Variants in MAF observed in about 807,000 individuals in gnomAD.
The protein encoded by MAF is MAF bZIP transcription factor, also known as transcription factor Maf.
A neutral mutation model predicts 22.0 loss-of-function variants in MAF; 10 were observed. That is an observed-to-expected ratio of 0.45 (90% CI 0.28 to 0.77). The LOEUF is 0.77. Ranked by LOEUF, MAF falls within the 30% of genes least tolerant of loss-of-function variation. The probability of loss-of-function intolerance (pLI) is 0.12; values close to 1 mark genes in which losing one functional copy is unlikely to be tolerated. For synonymous variants in MAF, 337 were observed against 255.8 expected (o/e 1.32, Z -3.03); for missense variants, 544 against 548.4 (o/e 0.99, Z 0.08).
chr16:79,295,972 G>A, the MAF span, among the ~76,000 whole-genome samples: 2 of 152,214 alleles, frequency 1.3e-5, no homozygotes, highest in Admixed American at 6.5e-5. Flanking sequence ...ACCTCCTGCG[G>A]TCTGTAAGCT....
At chr16:79,251,856 A>AT in the MAF span, among the ~76,000 whole-genome samples, 3 of 152,034 alleles carry the variant, frequency 2.0e-5, no homozygotes, top group East Asian at 1.9e-4. Context: ...TTTAAAAAAA[A>AT]TTTTTTTGTA....
the MAF span, among the ~76,000 whole-genome samples, chr16:79,390,946 G>T: frequency 6.6e-6 from 1 of 152,092 alleles, no homozygotes; most frequent in African/African-American, 2.4e-5. Flanking sequence ...CTGGGCTACT[G>T]TCTCTCAGCC....
At chr16:79,590,507 C>T (rs1278239626), downstream of MAF, among the ~76,000 whole-genome samples, 1 of 152,078 alleles carries the variant, frequency 6.6e-6, no homozygotes, top group East Asian at 1.9e-4. Context: ...CTTTCATGGC[C>T]CTGGATGACC....
At chr16:79,310,336 C>T in the MAF span, among the ~76,000 whole-genome samples, 1 of 152,126 alleles carries the variant, frequency 6.6e-6, no homozygotes, top group East Asian at 1.9e-4. Context: ...CATAGGATGC[C>T]TTTGGCTATG....
the MAF span, among the ~76,000 whole-genome samples, chr16:79,362,324 G>T: frequency 6.6e-6 from 1 of 152,138 alleles, no homozygotes; most frequent in Non-Finnish European, 1.5e-5. Flanking sequence ...AGGCTTTTTA[G>T]TAACAGTATT....
At chr16:79,314,722 G>A in the MAF span, among the ~76,000 whole-genome samples, 1 of 152,280 alleles carries the variant, frequency 6.6e-6, no homozygotes, top group Admixed American at 6.5e-5. Flanking sequence ...TTTTGTCATT[G>A]CTTAAGGGCC....
chr16:79,303,154 T>C, the MAF span, among the ~76,000 whole-genome samples: 2 of 152,164 alleles, frequency 1.3e-5, no homozygotes, highest in African/African-American at 4.8e-5. Flanking sequence ...CTCCCAGCAC[T>C]GTGGAGGAAG....
the MAF span, among the ~76,000 whole-genome samples, chr16:79,269,018 A>G: frequency 1.3e-5 from 2 of 152,164 alleles, no homozygotes; most frequent in Admixed American, 1.3e-4. Context: ...GTGTTTTGAT[A>G]TTTGCTAGTT....
At chr16:79,265,717 A>G in the MAF span, among the ~76,000 whole-genome samples, 1 of 152,210 alleles carries the variant, frequency 6.6e-6, no homozygotes, top group Non-Finnish European at 1.5e-5. Flanking sequence ...TCAGCACACA[A>G]TGTTTTTCCT....
chr16:79,242,269 A>T, the MAF span, among the ~76,000 whole-genome samples: 1 of 151,800 alleles, frequency 6.6e-6, no homozygotes, highest in East Asian at 1.9e-4. Context: ...GTCAAGACCC[A>T]TAGGTGTGTG....
the MAF span, among the ~76,000 whole-genome samples, chr16:79,370,043 G>C: frequency 6.6e-6 from 1 of 152,150 alleles, no homozygotes; most frequent in African/African-American, 2.4e-5. Context: ...GCCAATAAGA[G>C]GAGCTTCACT....
At chr16:79,421,864 G>A in the MAF span, among the ~76,000 whole-genome samples, 2 of 152,064 alleles carry the variant, frequency 1.3e-5, no homozygotes, top group Middle Eastern at 3.2e-3. Context: ...TGCAGCCCCC[G>A]CCTCCCAGGT....
At chr16:79,531,940 G>C in the MAF span, among the ~76,000 whole-genome samples, 1 of 152,118 alleles carries the variant, frequency 6.6e-6, no homozygotes, top group East Asian at 1.9e-4. Context: ...AGCGGGGTTT[G>C]GATGGTCTGG....
At chr16:79,425,177 T>C in the MAF span, among the ~76,000 whole-genome samples, 1 of 152,260 alleles carries the variant, frequency 6.6e-6, no homozygotes. Flanking sequence ...GCAAATGTAT[T>C]CATATCTATT....
chr16:79,455,858 A>G, the MAF span, among the ~76,000 whole-genome samples: 83 of 152,140 alleles, frequency 5.5e-4, no homozygotes, highest in Non-Finnish European at 1.0e-3. Context: ...TCTCTGACAA[A>G]AATACAAAAG....
chr16:79,368,621 ACCAGTAGGAGC>A, the MAF span, among the ~76,000 whole-genome samples: 1 of 152,070 alleles, frequency 6.6e-6, no homozygotes, highest in Admixed American at 6.5e-5. Context: ...CCAAGTCCCC[ACCAGTAGGAGC>A]CCTGGTGCTC....
At chr16:79,242,766 A>G in the MAF span, among the ~76,000 whole-genome samples, 24 of 151,970 alleles carry the variant, frequency 1.6e-4, no homozygotes, top group Non-Finnish European at 1.2e-4. Flanking sequence ...TTTCAGCACC[A>G]CATTGCACTT....
the MAF span, chr16:79,212,381 A>T: frequency 2.0e-6 from 1 of 494,246 alleles, no homozygotes; most frequent in Non-Finnish European, 3.5e-6. Context: ...ACGCAGAACT[A>T]CCAGGTGGCA....
At chr16:79,523,615 G>C in the MAF span, among the ~76,000 whole-genome samples, 1 of 152,176 alleles carries the variant, frequency 6.6e-6, no homozygotes, top group Non-Finnish European at 1.5e-5. Flanking sequence ...ATGAGTACAC[G>C]AAGAATTGCA....
Sources: gnomAD v4.1 joint callset for allele counts (sites outside exome capture counted in the v4.1 genomes callset) on GRCh38, gnomAD v4.1.1 for gene constraint, MANE v1.5 for transcripts, NCBI Gene and HGNC (gene_info 2026-07-23, HGNC 2026-07-21) for gene names.